SUSD6: variants seen among roughly 807,000 people sequenced by gnomAD.
SUSD6 encodes sushi domain containing 6, also known as sushi domain-containing protein 6.
Under a neutral mutation model 28.4 loss-of-function variants are expected in SUSD6, and 16 were observed. The observed-to-expected ratio is 0.56, with a 90% CI of 0.38 to 0.86. SUSD6 has a LOEUF of 0.86. SUSD6 is among the 40% of genes least tolerant of loss of function. SUSD6 has a pLI of 0.00. For synonymous variants in SUSD6, 147 were observed against 159.6 expected, an observed-to-expected ratio of 0.92 and a Z score of 0.59; for missense variants, 341 against 384.2, an observed-to-expected ratio of 0.89 and a Z score of 0.94.
chr14:69,646,827 T>C (rs951735181), intron 1 of SUSD6, among the ~76,000 whole-genome samples: 1 of 149,674 alleles, frequency 6.7e-6, no homozygotes, highest in African/African-American at 2.5e-5. Flanking sequence ...TCAGCCTCCC[T>C]AGTAGCTGGG....
chr14:69,611,856 G>A (rs112303601), intron 1 of SUSD6, 28 bp downstream of exon 1: 3,442 of 151,640 alleles, frequency 0.023, 57 homozygotes, highest in Middle Eastern at 0.062. Context: ...CCCGGGGGCG[G>A]CGGGGCCGGC....
intron 2 of SUSD6, among the ~76,000 whole-genome samples, chr14:69,688,966 C>T (rs1642405552): frequency 6.6e-6 from 1 of 152,198 alleles, no homozygotes; most frequent in Admixed American, 6.5e-5. Context: ...TCTAAATGTT[C>T]AGTTATCTCC....
intron 1 of SUSD6, among the ~76,000 whole-genome samples, chr14:69,631,984 C>T (rs1885201536): frequency 6.6e-6 from 1 of 152,160 alleles, no homozygotes; most frequent in Non-Finnish European, 1.5e-5. Flanking sequence ...ATACCAACAA[C>T]AGTTTCTTCT....
intron 1 of SUSD6, among the ~76,000 whole-genome samples, chr14:69,648,641 A>G (rs1015594379): frequency 3.3e-5 from 5 of 152,048 alleles, no homozygotes; most frequent in African/African-American, 1.2e-4. Flanking sequence ...ATACCATCCC[A>G]CTCCCAGGCC....
chr14:69,667,370 C>CTT (rs10611584), intron 2 of SUSD6, among the ~76,000 whole-genome samples: 19 of 73,314 alleles, frequency 2.6e-4, no homozygotes, highest in African/African-American at 8.5e-4. Context: ...CTCACAGTTT[C>CTT]TTTTTTTTTT....
rs115204778 is a variant in SUSD6, at chr14:69,673,833, T to C, written c.121+15120T>C. 1.4e-3 allele frequency among the ~76,000 whole-genome samples: 215 copies of C among 152,262 alleles called. 1 individual carries two copies. The highest frequency in any genetic ancestry group is 5.0e-3 in the African/African-American group (207 of 41,546). On this transcript the variant is annotated intron_variant, in intron 2 of 5. Coordinates refer to ENST00000342745, the MANE Select transcript of SUSD6 (RefSeq NM_014734.4). ...CCCTAGCACTGCCTCTAATGGACAG[T>C]AACTGAAGGCACCTCATGTTACTCA... is the stretch of plus-strand genomic sequence containing the variant.
chr14:69,691,235 C>T (rs957289215), intron 2 of SUSD6, among the ~76,000 whole-genome samples: 1 of 152,150 alleles, frequency 6.6e-6, no homozygotes, highest in Non-Finnish European at 1.5e-5. Context: ...CCCAGCTACA[C>T]AAGAGGCTGA....
At chr14:69,663,563 G>A (rs942536449) in intron 2 of SUSD6, among the ~76,000 whole-genome samples, 9 of 152,180 alleles carry the variant, frequency 5.9e-5, no homozygotes, top group African/African-American at 9.7e-5. Context: ...AAAACAAATG[G>A]GAAACTAATG....
intron 2 of SUSD6, among the ~76,000 whole-genome samples, chr14:69,668,437 C>T (rs1885777934): frequency 6.6e-6 from 1 of 151,804 alleles, no homozygotes; most frequent in East Asian, 1.9e-4. Flanking sequence ...GAGTTTGAGA[C>T]CAGCCCGGCC....
At chr14:69,662,876 A>G (rs1482804781) in intron 2 of SUSD6, among the ~76,000 whole-genome samples, 1 of 152,216 alleles carries the variant, frequency 6.6e-6, no homozygotes, top group Non-Finnish European at 1.5e-5. Flanking sequence ...AATAAAAATG[A>G]TTGGAAGGCA....
intron 2 of SUSD6, among the ~76,000 whole-genome samples, chr14:69,688,599 C>T (rs945463278): frequency 2.6e-5 from 4 of 152,182 alleles, no homozygotes; most frequent in African/African-American, 9.7e-5. Flanking sequence ...TGTGCTCCAG[C>T]CCCTTTAGTT....
chr14:69,655,401 T>C (rs1885566869), intron 1 of SUSD6, among the ~76,000 whole-genome samples: 1 of 152,188 alleles, frequency 6.6e-6, no homozygotes, highest in African/African-American at 2.4e-5. Context: ...TCATTGCACA[T>C]GTGATTTCTT....
intron 1 of SUSD6, among the ~76,000 whole-genome samples, chr14:69,657,405 A>C (rs765768693): frequency 6.6e-6 from 1 of 152,078 alleles, no homozygotes; most frequent in African/African-American, 2.4e-5. Context: ...CAGTGAGCCA[A>C]GATTGTGCCA....
At chr14:69,622,799 G>T (rs959334117) in intron 1 of SUSD6, among the ~76,000 whole-genome samples, 13 of 152,112 alleles carry the variant, frequency 8.5e-5, no homozygotes, top group African/African-American at 3.1e-4. Context: ...TCACTATGTT[G>T]GTCAGGCTGG....
chr14:69,708,618 G>A (rs1886416567), intron 4 of SUSD6, 59 bp from the exon 5 acceptor site: 5 of 1,367,250 alleles, frequency 3.7e-6, no homozygotes, highest in South Asian at 1.4e-5. Flanking sequence ...TTATTATCAT[G>A]CCTGTTTCTC....
chr14:69,685,450 A>G (rs1459104814), intron 2 of SUSD6, among the ~76,000 whole-genome samples: 2 of 152,032 alleles, frequency 1.3e-5, no homozygotes, highest in Non-Finnish European at 1.5e-5. Context: ...GTTCGGGGAA[A>G]CCCAGGATGA....
intron 2 of SUSD6, among the ~76,000 whole-genome samples, chr14:69,686,307 G>A (rs989006894): frequency 6.6e-6 from 1 of 152,158 alleles, no homozygotes; most frequent in African/African-American, 2.4e-5. Flanking sequence ...GATATTTTAT[G>A]ATCTTTTTTG....
At chr14:69,641,369 A>AC (rs894453016) in intron 1 of SUSD6, among the ~76,000 whole-genome samples, 1 of 151,258 alleles carries the variant, frequency 6.6e-6, no homozygotes, top group African/African-American at 2.5e-5. Flanking sequence ...CCTCTCCCCA[A>AC]CCATTACTCC....
At chr14:69,655,486 G>A (rs1019833187) in intron 1 of SUSD6, among the ~76,000 whole-genome samples, 1 of 152,038 alleles carries the variant, frequency 6.6e-6, no homozygotes, top group African/African-American at 2.4e-5. Context: ...GTTGCTCTCC[G>A]AAGGATTCTA....
Sources: allele counts gnomAD v4.1 joint callset (sites outside exome capture counted in the v4.1 genomes callset), GRCh38; gene constraint gnomAD v4.1.1; transcripts MANE v1.5; gene names NCBI Gene and HGNC (gene_info 2026-07-23, HGNC 2026-07-21).